The following EIF3A variants were observed in gnomAD, a reference collection of about 807,000 sequenced individuals.
EIF3A encodes EIF3, p180 subunit.
A neutral mutation model predicts 186.6 loss-of-function variants in EIF3A; 21 were observed. That is an observed-to-expected ratio of 0.11 (90% confidence interval 0.08 to 0.16). The LOEUF (loss-of-function observed/expected upper bound fraction) is 0.16, where lower values mean the gene tolerates loss of function less well. Ranked by LOEUF, EIF3A falls within the 10% of genes least tolerant of loss-of-function variation. EIF3A has a pLI of 1.00. For synonymous variants in EIF3A, 563 were observed against 584.3 expected, an observed-to-expected ratio of 0.96 and a Z score of 0.52; for missense variants, 1,306 against 1,796.3, an observed-to-expected ratio of 0.73 and a Z score of 4.93.
In EIF3A at chr10:119,042,381, C is replaced by T. The variant is rs770920278; in HGVS notation, c.3139G>A (p.Gly1047Arg). ...TCATCAGCGCCTCCTCGCCTCGGCC[C>T]CCGGTCATCATCCATCCCACGTCTT... is the stretch of plus-strand genomic sequence containing the variant. ...GPRRGMDDDR[G>R]PRRGGADDER... is the part of the protein sequence containing the mutation. Residue 1047 changes from glycine (G) to arginine (R), a missense_variant, in exon 19 of 22, where the codon GGG becomes AGG. Physicochemically the swap from Gly to Arg is moderately radical, Grantham distance 125. Transcript: ENST00000369144. This position sits in a 1 kb window ranked among gnomAD's most constrained non-coding sequence, Gnocchi z 7.8. 2 of 1,614,162 alleles carry T rather than the reference C, an allele frequency of 1.2e-6. No homozygotes were observed. The highest frequency in any genetic ancestry group is 1.7e-6 in the Non-Finnish European group (2 of 1,180,030).
At chr10:119,060,634 G>T in intron 9 of EIF3A, 112 bp downstream of exon 9, 1 of 645,430 alleles carries the variant, frequency 1.5e-6, no homozygotes, top group East Asian at 2.9e-5. Flanking sequence ...TTTTTGCCAG[G>T]GGCAGAACTT....
At chr10:119,056,217 G>A (rs773361329) in intron 14 of EIF3A, among the ~76,000 whole-genome samples, 1 of 152,250 alleles carries the variant, frequency 6.6e-6, no homozygotes, top group East Asian at 1.9e-4. Flanking sequence ...TATACTATAA[G>A]TTAACAAAAC....
chr10:119,036,206 G>T lies in EIF3A; in HGVS notation c.3982C>A (p.Arg1328Ser), dbSNP rs757041285. 6.2e-7 allele frequency: 1 copy of T among 1,613,402 alleles called. No homozygotes were observed. Among genetic ancestry groups the T allele is most frequent in the African/African-American group, 1.3e-5 (1 of 74,690 alleles). ...GAAAGAGCTGGGGGAGGAACTCGAC[G>T]AGGAGGGTCCCGCTCTTCCACCCGG... Reference protein sequence around the residue: ...DDRVEERDPPRRVPPPALSRD... With the variant: ...DDRVEERDPPSRVPPPALSRD... The change falls in exon 22 of 22, where the codon CGT becomes AGT. Residue 1328 changes from arginine (R) to serine (S), a missense_variant. This residue lies in a region of EIF3A where 331 missense variants were observed against 365.8 expected (regional missense o/e 0.90). Coordinates refer to ENST00000369144, the MANE Select transcript of EIF3A (RefSeq NM_003750.4).
intron 17 of EIF3A, among the ~76,000 whole-genome samples, chr10:119,047,482 T>C (rs183604200): frequency 6.6e-5 from 10 of 152,040 alleles, no homozygotes; most frequent in Admixed American, 1.3e-4. Context: ...GGGTGAGGCA[T>C]AAAACAGAAA....
chr10:119,037,948 C>T (rs1350907135), intron 20 of EIF3A, among the ~76,000 whole-genome samples: 14 of 117,312 alleles, frequency 1.2e-4, no homozygotes, highest in African/African-American at 4.0e-4. Flanking sequence ...CGGAGTTTTG[C>T]TCTTGTTGCC....
chr10:119,063,730 T>C lies in EIF3A; in HGVS notation c.1122+1669A>G, dbSNP rs1302769713. ...CCTTCAGTTTCACTTGCTAGGCACATAACAGGCACTCAACAAATTTCCACT... is the reference window on the plus strand; with the variant it reads ...CCTTCAGTTTCACTTGCTAGGCACACAACAGGCACTCAACAAATTTCCACT... On this transcript the variant is annotated intron_variant, in intron 7 of 21. Transcript: ENST00000369144. Among the ~76,000 whole-genome samples the C allele has an allele frequency of 2.0e-5, 3 of 152,286 alleles. No homozygotes were observed. In the East Asian group the frequency reaches 5.8e-4, roughly 29 times the overall value.
Position 119,038,300 on chromosome 10 carries a change from G to A in EIF3A, c.3666C>T (p.Asp1222=). The A allele has an allele frequency of 6.2e-7, 1 of 1,613,860 alleles. No individual in the cohort carries two copies. Among genetic ancestry groups the A allele is most frequent in the Non-Finnish European group, 8.5e-7 (1 of 1,179,964 alleles). ...DNQDREENDK[D]PERERDRERD... ...TCTCTCTGTCCCTTTCTCTCTCAGG[G>A]TCCTTGTCATTCTCCTCCCGATCTT... is the stretch of plus-strand genomic sequence containing the variant. The change falls in exon 20 of 22, where the codon GAC becomes GAT. Residue 1222 remains aspartate (D), a synonymous_variant. Coordinates refer to ENST00000369144, the MANE Select transcript of EIF3A (RefSeq NM_003750.4).
At chr10:119,073,104 C>A in intron 3 of EIF3A, 51 bp from the exon 4 acceptor site, 1 of 1,538,196 alleles carries the variant, frequency 6.5e-7, no homozygotes, top group Non-Finnish European at 8.7e-7. Context: ...CCTACTTTGC[C>A]ATGTGATTAA....
At chr10:119,060,502 G>A (rs947989712) in intron 9 of EIF3A, among the ~76,000 whole-genome samples, 9 of 152,068 alleles carry the variant, frequency 5.9e-5, no homozygotes, top group African/African-American at 2.2e-4. Context: ...ATGGAATAAG[G>A]TAGCCCTACA....
chr10:119,059,111 C>A, intron 11 of EIF3A, 101 bp downstream of exon 11: 1 of 872,556 alleles, frequency 1.1e-6, no homozygotes, highest in Non-Finnish European at 1.8e-6. Flanking sequence ...TCATAAATCC[C>A]TTCTCTCAGA....
chr10:119,072,805 C>A (rs992425404), intron 4 of EIF3A, 85 bp downstream of exon 4: 88 of 1,462,130 alleles, frequency 6.0e-5, no homozygotes, highest in Non-Finnish European at 8.0e-5. Context: ...AGGATAAAAA[C>A]TAGTTCATTT....
At chr10:119,061,487 A>T (rs975308503) in intron 7 of EIF3A, among the ~76,000 whole-genome samples, 159 bp from the exon 8 acceptor site, 1 of 152,016 alleles carries the variant, frequency 6.6e-6, no homozygotes, top group Non-Finnish European at 1.5e-5. Flanking sequence ...TCCAAAGTAC[A>T]ACTATGCTGG....
chr10:119,041,974 T>G lies in EIF3A; in HGVS notation c.3526+20A>C. The G allele has an allele frequency of 6.2e-7, 1 of 1,610,728 alleles. No individual in the cohort carries two copies. The highest frequency in any genetic ancestry group is 2.2e-5 in the East Asian group (1 of 44,842). On this transcript the variant is annotated intron_variant, in intron 19 of 21. Coordinates refer to ENST00000369144, the MANE Select transcript of EIF3A (RefSeq NM_003750.4). Reference sequence around the variant, plus strand: ...TTTACAGGTGAACACTTAAGCATATTCTAGGAAATAGAATTTTACCTGGCT... The same window carrying G: ...TTTACAGGTGAACACTTAAGCATATGCTAGGAAATAGAATTTTACCTGGCT...
Position 119,055,360 on chromosome 10 carries a change from G to A in EIF3A, c.2196+1380C>T, listed in dbSNP as rs138410076. On this transcript the variant is annotated intron_variant, in intron 14 of 21. Transcript: ENST00000369144. ...TCACCGCCTTCTATGAGTGTGGTTCGTGGCACCCCAAAATAATTACAACAG... is the reference window on the plus strand; with the variant it reads ...TCACCGCCTTCTATGAGTGTGGTTCATGGCACCCCAAAATAATTACAACAG... 2.7e-3 allele frequency among the ~76,000 whole-genome samples: 415 copies of A among 152,188 alleles called. 2 individuals carry two copies. The highest frequency in any genetic ancestry group is 9.6e-3 in the African/African-American group (399 of 41,516).
At chr10:119,047,558 A>C (rs1848296972) in intron 17 of EIF3A, among the ~76,000 whole-genome samples, 1 of 152,156 alleles carries the variant, frequency 6.6e-6, no homozygotes, top group Non-Finnish European at 1.5e-5. Flanking sequence ...AAAGAAAAGG[A>C]TAATCTCAGA....
At chr10:119,079,901 G>T (rs150395497) in intron 1 of EIF3A, among the ~76,000 whole-genome samples, 2 of 152,316 alleles carry the variant, frequency 1.3e-5, no homozygotes, top group South Asian at 2.1e-4. Context: ...GAGGCGACCT[G>T]AAGTCCCTTT....
intron 7 of EIF3A, among the ~76,000 whole-genome samples, chr10:119,064,322 C>G (rs907401751): frequency 1.3e-5 from 2 of 152,252 alleles, no homozygotes; most frequent in African/African-American, 4.8e-5. Flanking sequence ...CTTACCTTCT[C>G]CCCTAGTGAT....
chr10:119,069,514 A>G lies in EIF3A; in HGVS notation c.882T>C (p.Ser294=). 1 of 1,590,308 alleles carries G rather than the reference A, an allele frequency of 6.3e-7. No individual in the cohort carries two copies. Among genetic ancestry groups the G allele is most frequent in the Non-Finnish European group, 8.6e-7 (1 of 1,158,184 alleles). The change falls in exon 6 of 22, where the codon TCT becomes TCC. Residue 294 remains serine, a synonymous_variant. Coordinates refer to ENST00000369144, the MANE Select transcript of EIF3A (RefSeq NM_003750.4). Reference sequence around the variant, plus strand: ...AGAGATGGTAAAGACGATGGAGTGTAGATGCATGAAAAAGAGCATTTCCAG... The same window carrying G: ...AGAGATGGTAAAGACGATGGAGTGTGGATGCATGAAAAAGAGCATTTCCAG... ...WKSGNALFHA[S]TLHRLYHLSR... is the part of the protein sequence containing the mutation.
intron 21 of EIF3A, 143 bp downstream of exon 21, chr10:119,036,976 T>A (rs1848137343): frequency 1.5e-6 from 1 of 679,314 alleles, no homozygotes. Context: ...AGTAACTGTA[T>A]GAAAATCATG....
Sources: gnomAD v4.1 joint callset for allele counts (sites outside exome capture counted in the v4.1 genomes callset) on GRCh38, gnomAD v4.1.1 for gene constraint, gnomAD v4.1.1 regional missense constraint, Gnocchi (gnomAD v3.1) non-coding constraint, MANE v1.5 for transcripts, NCBI Gene and HGNC (gene_info 2026-07-23, HGNC 2026-07-21) for gene names.